The following HERC6 variants were observed in gnomAD, a reference collection of about 807,000 sequenced individuals.
HERC6 encodes the protein probable E3 ubiquitin-protein ligase HERC6.
Under a neutral mutation model 114.5 loss-of-function variants are expected in HERC6, and 101 were observed. The ratio of observed to expected loss-of-function variants is 0.88; its 90% CI spans 0.75 to 1.04. The LOEUF is 1.04. Ranked by LOEUF, HERC6 falls within the 50% of genes least tolerant of loss-of-function variation. The pLI is 0.00. For missense variants in HERC6, 1,133 were observed against 1,230.9 expected (o/e 0.92, Z 1.19); for synonymous variants, 408 against 436.2 (o/e 0.94, Z 0.81).
intron 17 of HERC6, among the ~76,000 whole-genome samples, chr4:88,432,053 T>G (rs553833725): frequency 1.3e-5 from 2 of 152,192 alleles, no homozygotes; most frequent in South Asian, 4.1e-4. Context: ...AATCTGAAAA[T>G]CCAAAATCTG....
At chr4:88,390,508 A>G (rs1388426458) in intron 3 of HERC6, 144 bp from the exon 4 acceptor site, 13 of 715,494 alleles carry the variant, frequency 1.8e-5, no homozygotes, top group Non-Finnish European at 2.7e-5. Flanking sequence ...AGCTCATCAT[A>G]TTGTATACCT....
Position 88,428,735 on chromosome 4 carries a change from C to A in HERC6, c.2091C>A (p.Phe697Leu). 6.4e-7 allele frequency: 1 copy of A among 1,573,762 alleles called. No homozygotes were observed. The change falls in exon 16 of 23, where the codon TTC becomes TTA. Residue 697 changes from phenylalanine (F) to leucine (L), a missense_variant. Around this residue, in one of 3 missense-constraint regions of HERC6, gnomAD observed 388 missense variants for 445.9 expected, o/e 0.87. Coordinates refer to ENST00000264346, the MANE Select transcript of HERC6 (RefSeq NM_017912.4). ...TAAGTCAAGCTGAAGCTACTGACTT[C>A]TGCAAAGTATTAGTGGTACAGTAAA... is the stretch of plus-strand genomic sequence containing the variant. ...RQLSQAEATD[F>L]CKVLVVEFIN...
Position 88,396,855 on chromosome 4 carries a change from C to A in HERC6, c.892C>A (p.His298Asn). Residue 298 changes from histidine to asparagine, a missense_variant, in exon 7 of 23, where the codon CAC becomes AAC. Physicochemically the swap from His to Asn is moderately conservative, Grantham distance 68. Coordinates refer to ENST00000264346, the MANE Select transcript of HERC6 (RefSeq NM_017912.4). Reference sequence around the variant, plus strand: ...GGTGTATTCTCTTTCCTGTAGTTATCACACCCTGGCATATGTGCACACCAC... The same window carrying A: ...GGTGTATTCTCTTTCCTGTAGTTATAACACCCTGGCATATGTGCACACCAC... The part of the protein sequence containing the change: ...LVSQIDCGSY[H>N]TLAYVHTTGQ... 6.4e-7 allele frequency: 1 copy of A among 1,569,676 alleles called. No homozygotes were observed. The highest frequency in any genetic ancestry group is 8.7e-7 in the Non-Finnish European group (1 of 1,155,464).
At chr4:88,423,718 T>C in intron 13 of HERC6, 142 bp from the exon 14 acceptor site, 1 of 421,036 alleles carries the variant, frequency 2.4e-6, no homozygotes. Flanking sequence ...TATAGAACTC[T>C]ATTTCATCAC....
At chr4:88,410,914 G>C (rs960726668) in intron 11 of HERC6, among the ~76,000 whole-genome samples, 5 of 152,114 alleles carry the variant, frequency 3.3e-5, no homozygotes, top group African/African-American at 1.2e-4. Context: ...TGAATGATTG[G>C]TCTCCTTTTT....
At chr4:88,396,236 T>G (rs1735223348) in intron 6 of HERC6, 94 bp downstream of exon 6, 21 of 1,058,132 alleles carry the variant, frequency 2.0e-5, no homozygotes, top group Non-Finnish European at 2.5e-5. Context: ...TTATCAAACC[T>G]TAAAATTCCT....
At chr4:88,388,042 T>TA (rs1263897053) in intron 3 of HERC6, among the ~76,000 whole-genome samples, 1 of 152,228 alleles carries the variant, frequency 6.6e-6, no homozygotes. Flanking sequence ...TTAGAAGAGT[T>TA]AAAAAATAAA....
chr4:88,393,777 G>A (rs1735048854), intron 5 of HERC6, among the ~76,000 whole-genome samples, 195 bp downstream of exon 5: 2 of 152,214 alleles, frequency 1.3e-5, no homozygotes, highest in Non-Finnish European at 2.9e-5. Flanking sequence ...CAAAATCAAG[G>A]TGCCAGCAGA....
Position 88,413,129 on chromosome 4 carries a change from C to T in HERC6, c.1421C>T (p.Pro474Leu), listed in dbSNP as rs777992001. ...DLLRALPCHS[P>L]HQEALSVFLL... Reference sequence around the variant, plus strand: ...CTCAGAGCTCTTCCATGCCATTCTCCACACCAAGAAGCTTTATCAGTTTTC... The same window carrying T: ...CTCAGAGCTCTTCCATGCCATTCTCTACACCAAGAAGCTTTATCAGTTTTC... Residue 474 changes from proline to leucine, a missense_variant, in exon 12 of 23, where the codon CCA (proline) becomes CTA (leucine). By Grantham distance (98) the Pro-to-Leu change is moderately conservative. Around this residue, in one of 3 missense-constraint regions of HERC6, gnomAD observed 735 missense variants for 754.0 expected, o/e 0.97. Coordinates refer to ENST00000264346, the MANE Select transcript of HERC6 (RefSeq NM_017912.4). 2.0e-5 allele frequency: 32 copies of T among 1,613,498 alleles called. No homozygotes were observed. The African/African-American group carries it at 3.1e-4, about 15-fold the overall frequency.
At chr4:88,383,763 CAAAAAAAAAAAAAA>C (rs753643806) in intron 2 of HERC6, among the ~76,000 whole-genome samples, 7 of 28,742 alleles carry the variant, frequency 2.4e-4, no homozygotes, top group Non-Finnish European at 3.0e-4. Context: ...GACTCAGTCT[CAAAAAAAAAAAAAA>C]AAAAAAAAAA....
Position 88,435,800 on chromosome 4 carries a change from A to G in HERC6, c.2326A>G (p.Asn776Asp), listed in dbSNP as rs1458435975. The change falls in exon 18 of 23, where the codon AAC becomes GAC. Residue 776 changes from asparagine (N) to aspartate (D), a missense_variant. This residue lies in a region of HERC6 where 388 missense variants were observed against 445.9 expected (regional missense o/e 0.87). Coordinates refer to ENST00000264346, the MANE Select transcript of HERC6 (RefSeq NM_017912.4). ...GLSLFNLNVA[N>D]LPFPLALYKK... Reference sequence around the variant, plus strand: ...CTCCTTATTCAATTTAAATGTTGCTAACCTTCCTTTCCCACTGGCTCTGTA... The same window carrying G: ...CTCCTTATTCAATTTAAATGTTGCTGACCTTCCTTTCCCACTGGCTCTGTA... The G allele has an allele frequency of 1.2e-6, 2 of 1,611,988 alleles. No individual in the cohort carries two copies. The highest frequency in any genetic ancestry group is 1.7e-6 in the Non-Finnish European group (2 of 1,178,876).
chr4:88,399,338 G>A (rs1361115613), intron 8 of HERC6: 2 of 152,152 alleles, frequency 1.3e-5, no homozygotes, highest in East Asian at 3.9e-4. Flanking sequence ...AACAAAAATT[G>A]AGACCCTTTT....
intron 8 of HERC6, among the ~76,000 whole-genome samples, chr4:88,401,503 A>AG (rs1041975048): frequency 1.3e-5 from 2 of 151,904 alleles, no homozygotes; most frequent in African/African-American, 4.8e-5. Flanking sequence ...AAAAAAAAAA[A>AG]AAAAGAAAAG....
intron 16 of HERC6, among the ~76,000 whole-genome samples, chr4:88,428,972 G>A (rs1288099443): frequency 1.3e-5 from 2 of 152,238 alleles, no homozygotes; most frequent in Non-Finnish European, 2.9e-5. Context: ...CAAAAATGCT[G>A]CATAATGAAA....
chr4:88,411,383 C>T (rs1276096707), intron 11 of HERC6, among the ~76,000 whole-genome samples: 1 of 152,132 alleles, frequency 6.6e-6, no homozygotes, highest in African/African-American at 2.4e-5. Flanking sequence ...AAAGAAATCT[C>T]TTTTGACCCT....
Position 88,383,326 on chromosome 4 carries a change from G to C in HERC6, c.305G>C (p.Gly102Ala). The C allele has an allele frequency of 6.4e-7, 1 of 1,560,046 alleles. No individual in the cohort carries two copies. The highest frequency in any genetic ancestry group is 8.7e-7 in the Non-Finnish European group (1 of 1,154,206). ...HKGRVFAWGA[G>A]SEGQLGIGEF... ...GGAAGGGTCTTCGCATGGGGAGCTG[G>C]TTCTGAAGGGCAGCTGGGGATTGGA... The change falls in exon 2 of 23, where the codon GGT becomes GCT. Residue 102 changes from glycine to alanine, a missense_variant. Around this residue, in one of 3 missense-constraint regions of HERC6, gnomAD observed 735 missense variants for 754.0 expected, o/e 0.97. Transcript: ENST00000264346.
At chr4:88,423,118 G>T (rs1203309459) in intron 13 of HERC6, among the ~76,000 whole-genome samples, 1 of 148,744 alleles carries the variant, frequency 6.7e-6, no homozygotes, top group African/African-American at 2.5e-5. Context: ...TTTTAAAGAC[G>T]CAGTCTTTTC....
At chr4:88,400,946 G>A (rs1735503657) in intron 8 of HERC6, among the ~76,000 whole-genome samples, 1 of 152,102 alleles carries the variant, frequency 6.6e-6, no homozygotes. Flanking sequence ...GATAAGGGGG[G>A]ACTGCTGTAT....
intron 3 of HERC6, among the ~76,000 whole-genome samples, chr4:88,388,481 G>A (rs2119321): frequency 0.11 from 16,656 of 151,018 alleles, 1,438 homozygotes; most frequent in East Asian, 0.4. Context: ...ATCCTGGGAG[G>A]CAGAGGTTGC....
Sources: allele counts gnomAD v4.1 joint callset (sites outside exome capture counted in the v4.1 genomes callset), GRCh38; gene constraint gnomAD v4.1.1; regional missense constraint gnomAD v4.1.1; transcripts MANE v1.5; gene names NCBI Gene and HGNC (gene_info 2026-07-23, HGNC 2026-07-21).